Variants in UNC5C observed in about 807,000 individuals in gnomAD.
UNC5C encodes the protein netrin receptor UNC5C.
UNC5C carries 47 observed loss-of-function variants against 99.8 expected under a neutral mutation model. The observed-to-expected ratio is 0.47, with a 90% CI of 0.37 to 0.60. UNC5C has a LOEUF of 0.60. Ranked by LOEUF, UNC5C falls within the 20% of genes least tolerant of loss-of-function variation. The pLI is 0.00. For synonymous variants in UNC5C, 487 were observed against 452.2 expected (o/e 1.08, Z -0.98); for missense variants, 1,062 against 1,165.9 (o/e 0.91, Z 1.30).
intron 1 of UNC5C, among the ~76,000 whole-genome samples, chr4:95,357,332 G>C (rs1744242416): frequency 6.6e-6 from 1 of 151,766 alleles, no homozygotes; most frequent in Non-Finnish European, 1.5e-5. Context: ...TGTAGAGATG[G>C]GATCTTGCTA....
At chr4:95,384,479 G>A (rs892651234) in intron 1 of UNC5C, among the ~76,000 whole-genome samples, 5 of 152,150 alleles carry the variant, frequency 3.3e-5, no homozygotes, top group East Asian at 1.9e-4. Flanking sequence ...CACTCACCAC[G>A]TTCCAGGAGG....
chr4:95,545,770 G>GCACA lies in UNC5C; in HGVS notation c.124+2963_124+2964insTGTG, dbSNP rs1222846222. On this transcript the variant is annotated intron_variant, in intron 1 of 15. Coordinates refer to ENST00000453304, the MANE Select transcript of UNC5C (RefSeq NM_003728.4). ...ACTGATCTCACACACACGCGCGCGC[G>GCACA]CGCACACACACACACACACACACAC... Among the ~76,000 whole-genome samples the GCACA allele has an allele frequency of 3.7e-3, 480 of 130,584 alleles. 10 individuals are homozygous for GCACA. In the East Asian group the frequency reaches 0.057, roughly 16 times the overall value. 85.7% of individuals were successfully genotyped at this position (130,584 alleles called of 152,430 possible). A position where few individuals can be genotyped will look rare whatever the true frequency, so the allele number is the denominator to read the frequency against.
chr4:95,414,493 T>C (rs1453783378), intron 1 of UNC5C, among the ~76,000 whole-genome samples: 3 of 152,188 alleles, frequency 2.0e-5, no homozygotes, highest in South Asian at 2.1e-4. Context: ...CCTGAATTTA[T>C]TGGCAGATGA....
At chr4:95,360,188 T>TAC (rs1380078807) in intron 1 of UNC5C, among the ~76,000 whole-genome samples, 5 of 152,302 alleles carry the variant, frequency 3.3e-5, no homozygotes, top group African/African-American at 1.2e-4. Flanking sequence ...ATGCTATATA[T>TAC]ACTGGTCTCT....
At chr4:95,394,674 T>TGTGTGTGTGTGTGTGC (rs972166811) in intron 1 of UNC5C, among the ~76,000 whole-genome samples, 1 of 151,970 alleles carries the variant, frequency 6.6e-6, no homozygotes, top group African/African-American at 2.4e-5. Context: ...TGTGTGTGTG[T>TGTGTGTGTGTGTGTGC]GCTTTTCTCA....
intron 4 of UNC5C, among the ~76,000 whole-genome samples, chr4:95,253,685 G>A (rs1344292476): frequency 6.6e-6 from 1 of 152,174 alleles, no homozygotes; most frequent in Non-Finnish European, 1.5e-5. Flanking sequence ...CGGGAATGAA[G>A]AGGGGGGCCC....
intron 1 of UNC5C, among the ~76,000 whole-genome samples, chr4:95,390,816 T>C (rs1745335426): frequency 6.6e-6 from 1 of 152,110 alleles, no homozygotes; most frequent in African/African-American, 2.4e-5. Flanking sequence ...AAGCTCAAAC[T>C]CCTGGACTCG....
chr4:95,175,079 T>C (rs968626805), intron 14 of UNC5C, among the ~76,000 whole-genome samples: 2 of 152,126 alleles, frequency 1.3e-5, no homozygotes, highest in Non-Finnish European at 2.9e-5. Context: ...TGCCTTTTTT[T>C]GTTTTCTATT....
At chr4:95,362,001 C>G (rs963049554) in intron 1 of UNC5C, among the ~76,000 whole-genome samples, 3 of 151,630 alleles carry the variant, frequency 2.0e-5, no homozygotes, top group Non-Finnish European at 4.4e-5. Context: ...TAATCACTTA[C>G]AAACTGAAAC....
At chr4:95,314,014 T>C (rs1251649866) in intron 2 of UNC5C, among the ~76,000 whole-genome samples, 1 of 152,222 alleles carries the variant, frequency 6.6e-6, no homozygotes, top group Non-Finnish European at 1.5e-5. Flanking sequence ...ATAACAGTTA[T>C]GAAAGTACTT....
chr4:95,509,957 T>A (rs1429625904), intron 1 of UNC5C, among the ~76,000 whole-genome samples: 2 of 151,958 alleles, frequency 1.3e-5, no homozygotes, highest in African/African-American at 4.8e-5. Context: ...AGATTCTGTT[T>A]TCCATCTGTG....
chr4:95,537,852 G>C lies in UNC5C; in HGVS notation c.124+10882C>G, dbSNP rs181960146. On this transcript the variant is annotated intron_variant, in intron 1 of 15. Transcript: ENST00000453304. ...TTACACACATAACAGTGTTTGGGGTGGGGGGAGCGTCGTATAGTTTCAAAA... is the reference window on the plus strand; with the variant it reads ...TTACACACATAACAGTGTTTGGGGTCGGGGGAGCGTCGTATAGTTTCAAAA... Among the ~76,000 whole-genome samples, 172 of 152,172 alleles carry C rather than the reference G, an allele frequency of 1.1e-3. 1 individual carries two copies. The highest frequency in any genetic ancestry group is 2.9e-3 in the Admixed American group (45 of 15,284).
chr4:95,385,774 A>C (rs1745194796), intron 1 of UNC5C, among the ~76,000 whole-genome samples: 1 of 152,184 alleles, frequency 6.6e-6, no homozygotes, highest in Admixed American at 6.5e-5. Flanking sequence ...ACACATGTTT[A>C]AGAAATATAT....
At chr4:95,280,890 C>T (rs1741032334) in intron 3 of UNC5C, among the ~76,000 whole-genome samples, 1 of 137,220 alleles carries the variant, frequency 7.3e-6, no homozygotes, top group Non-Finnish European at 1.5e-5. Context: ...CCCACACATC[C>T]CCCGACATCT....
intron 1 of UNC5C, among the ~76,000 whole-genome samples, chr4:95,446,408 T>C (rs912192835): frequency 6.6e-6 from 1 of 151,770 alleles, no homozygotes; most frequent in African/African-American, 2.4e-5. Flanking sequence ...ATACAGTAAT[T>C]GTGCAATACT....
chr4:95,528,057 G>T (rs1413080351), intron 1 of UNC5C, among the ~76,000 whole-genome samples: 1 of 152,134 alleles, frequency 6.6e-6, no homozygotes, highest in Non-Finnish European at 1.5e-5. Context: ...GGATTACAGA[G>T]TAAGGAAATT....
chr4:95,399,038 A>G (rs1182334689), intron 1 of UNC5C, among the ~76,000 whole-genome samples: 1 of 152,208 alleles, frequency 6.6e-6, no homozygotes, highest in Non-Finnish European at 1.5e-5. Context: ...GAAATCATCA[A>G]AAATAAGGTC....
intron 4 of UNC5C, among the ~76,000 whole-genome samples, chr4:95,266,725 G>T (rs1032990946): frequency 8.5e-5 from 13 of 152,112 alleles, no homozygotes; most frequent in South Asian, 4.1e-4. Flanking sequence ...CCAGCATTCA[G>T]CAACCCTCAC....
intron 1 of UNC5C, among the ~76,000 whole-genome samples, chr4:95,395,257 G>A (rs1451968223): frequency 2.0e-5 from 3 of 152,180 alleles, no homozygotes; most frequent in South Asian, 2.1e-4. Flanking sequence ...CTGTGATTTT[G>A]AATTTACTAC....
Sources: allele counts gnomAD v4.1 joint callset (sites outside exome capture counted in the v4.1 genomes callset), GRCh38; gene constraint gnomAD v4.1.1; transcripts MANE v1.5; gene names NCBI Gene and HGNC (gene_info 2026-07-23, HGNC 2026-07-21).